The following DLGAP1 variants were observed in gnomAD, a reference collection of about 807,000 sequenced individuals.
DLGAP1 encodes disks large-associated protein 1.
In DLGAP1, 11 loss-of-function variants were observed where a neutral mutation model predicts 90.8. The ratio of observed to expected loss-of-function variants is 0.12; its 90% confidence interval spans 0.08 to 0.20. DLGAP1 has a LOEUF of 0.20. DLGAP1 is among the 10% of genes least tolerant of loss of function. The probability of loss-of-function intolerance (pLI) is 1.00; values close to 1 mark genes in which losing one functional copy is unlikely to be tolerated. For synonymous variants in DLGAP1, 558 were observed against 540.7 expected, an observed-to-expected ratio of 1.03 and a Z score of -0.44; for missense variants, 1,050 against 1,333.8, an observed-to-expected ratio of 0.79 and a Z score of 3.31.
chr18:3,975,591 A>G (rs8083148), intron 3 of DLGAP1, among the ~76,000 whole-genome samples: 60,399 of 151,814 alleles, frequency 0.4, 12,175 homozygotes, highest in Non-Finnish European at 0.42. Context: ...TGCAAAAAAT[A>G]GAAACTAGGG....
At chr18:3,709,787 G>A (rs1327344550) in intron 7 of DLGAP1, among the ~76,000 whole-genome samples, 1 of 152,194 alleles carries the variant, frequency 6.6e-6, no homozygotes, top group African/African-American at 2.4e-5. Context: ...TTGCGGGACT[G>A]AAGGATTCAA....
Position 3,842,504 on chromosome 18 carries a change from T to C in DLGAP1, c.958-28231A>G, listed in dbSNP as rs145579065. Among the ~76,000 whole-genome samples the C allele has an allele frequency of 9.2e-5, 14 of 151,950 alleles. No individual in the cohort carries two copies. In the East Asian group the frequency reaches 2.1e-3, roughly 23 times the overall value. ...GACCACTAGGAGATATTTACAATAG[T>C]CTAGCTGAGAAATGATGGAGGTTTA... On this transcript the variant is annotated intron_variant, in intron 4 of 12. Transcript: ENST00000315677.
At chr18:3,816,262 T>A (rs935447063) in intron 4 of DLGAP1, among the ~76,000 whole-genome samples, 6 of 152,154 alleles carry the variant, frequency 3.9e-5, no homozygotes, top group Non-Finnish European at 7.3e-5. Context: ...AGATCAAAAT[T>A]ATATTAATCA....
At chr18:3,888,962 T>A (rs1422125552) in intron 3 of DLGAP1, among the ~76,000 whole-genome samples, 1 of 152,158 alleles carries the variant, frequency 6.6e-6, no homozygotes, top group Non-Finnish European at 1.5e-5. Flanking sequence ...TGAATTCCCT[T>A]GGGAGCCAGC....
chr18:4,413,711 G>A (rs1162503717), intron 1 of DLGAP1, among the ~76,000 whole-genome samples: 5 of 152,186 alleles, frequency 3.3e-5, no homozygotes, highest in African/African-American at 1.2e-4. Flanking sequence ...TTAGGACGGG[G>A]TTTCCTTTGT....
intron 1 of DLGAP1, among the ~76,000 whole-genome samples, chr18:4,154,024 C>T (rs8095654): frequency 0.2 from 30,868 of 152,068 alleles, 3,531 homozygotes; most frequent in Middle Eastern, 0.3. Flanking sequence ...CCTCCTGCTC[C>T]CTCTTTTTCA....
At chr18:3,979,615 T>C (rs773988974) in intron 3 of DLGAP1, among the ~76,000 whole-genome samples, 2 of 152,218 alleles carry the variant, frequency 1.3e-5, no homozygotes, top group Admixed American at 6.5e-5. Flanking sequence ...AAAGTTTCAG[T>C]TGGACTATTA....
intron 7 of DLGAP1, among the ~76,000 whole-genome samples, chr18:3,619,533 A>G (rs2058015560): frequency 6.6e-6 from 1 of 152,126 alleles, no homozygotes; most frequent in African/African-American, 2.4e-5. Flanking sequence ...CATGGTCAAG[A>G]GGCCCATATT....
chr18:3,590,246 G>T (rs1370755206), intron 7 of DLGAP1, among the ~76,000 whole-genome samples: 4 of 152,158 alleles, frequency 2.6e-5, no homozygotes, highest in African/African-American at 9.7e-5. Flanking sequence ...AAAATCTAAT[G>T]GGGTTGACAG....
chr18:4,118,175 C>A (rs2076093329), intron 2 of DLGAP1, among the ~76,000 whole-genome samples: 1 of 152,088 alleles, frequency 6.6e-6, no homozygotes, highest in Non-Finnish European at 1.5e-5. Flanking sequence ...TTGACAATGT[C>A]CTTAAGCATG....
rs187864169 is a variant in DLGAP1 at position 4,334,515 on chromosome 18, T to C, written c.-267+120491A>G. ...TACAGCCCTAATGATGGCTGGAAGA[T>C]TCCTGACTTCAATTTGCAAAAGTAT... is the stretch of plus-strand genomic sequence containing the variant. On this transcript the variant is annotated intron_variant, in intron 1 of 12. Coordinates refer to ENST00000315677, the MANE Select transcript of DLGAP1 (RefSeq NM_004746.4). Among the ~76,000 whole-genome samples the C allele has an allele frequency of 4.2e-4, 64 of 152,002 alleles. 1 individual carries two copies. The East Asian group carries it at 0.011, about 27-fold the overall frequency.
rs150285124 is a variant in DLGAP1, at chr18:3,895,321, AT to A, written c.-72-15182del. 3.3e-3 allele frequency among the ~76,000 whole-genome samples: 341 copies of A among 104,776 alleles called. 1 individual carries two copies. Among genetic ancestry groups the A allele is most frequent in the Non-Finnish European group, 4.9e-3 (241 of 49,444 alleles). 68.7% of individuals were successfully genotyped at this position (104,776 alleles called of 152,430 possible). A position where few individuals can be genotyped will look rare whatever the true frequency, so the allele number is the denominator to read the frequency against. Reference sequence around the variant, plus strand: ...CACACACACACACACACACACACACATCATCATCATCATCATCATCATCTCA... The same window carrying A: ...CACACACACACACACACACACACACACATCATCATCATCATCATCATCTCA... On this transcript the variant is annotated intron_variant, in intron 3 of 12. Transcript: ENST00000315677.
intron 1 of DLGAP1, among the ~76,000 whole-genome samples, chr18:4,170,113 G>C (rs963008878): frequency 6.6e-6 from 1 of 152,156 alleles, no homozygotes; most frequent in Non-Finnish European, 1.5e-5. Context: ...CCATCATCAA[G>C]TGATGATGGT....
intron 4 of DLGAP1, 115 bp from the exon 5 acceptor site, chr18:3,814,388 G>A: frequency 2.1e-6 from 2 of 934,260 alleles, no homozygotes; most frequent in Non-Finnish European, 3.0e-6. Flanking sequence ...TTGAGATGGG[G>A]TCTTGCTTTG....
intron 3 of DLGAP1, among the ~76,000 whole-genome samples, chr18:3,907,185 G>A (rs1226019425): frequency 6.6e-6 from 1 of 152,160 alleles, no homozygotes; most frequent in Admixed American, 6.5e-5. Context: ...CCCCCAAATC[G>A]GGTGACTGCA....
chr18:3,754,114 TCTCAGC>T (rs1413252900), intron 5 of DLGAP1, among the ~76,000 whole-genome samples: 4 of 152,260 alleles, frequency 2.6e-5, no homozygotes, highest in Admixed American at 1.3e-4. Context: ...GATTCTCTCA[TCTCAGC>T]CTCCTGAGTA....
At chr18:3,567,665 C>A (rs936455423) in intron 8 of DLGAP1, 84 bp from the exon 9 acceptor site, 17 of 1,212,484 alleles carry the variant, frequency 1.4e-5, no homozygotes, top group Non-Finnish European at 1.9e-5. Context: ...TGAGAAAAAT[C>A]TCTAATATGA....
At chr18:4,038,886 T>C (rs1268294576) in intron 2 of DLGAP1, among the ~76,000 whole-genome samples, 1 of 152,076 alleles carries the variant, frequency 6.6e-6, no homozygotes, top group Non-Finnish European at 1.5e-5. Flanking sequence ...CCTTAAAACC[T>C]TACACATTTA....
chr18:4,452,935 G>A (rs535782670), intron 1 of DLGAP1, among the ~76,000 whole-genome samples: 31 of 152,122 alleles, frequency 2.0e-4, no homozygotes, highest in Non-Finnish European at 4.0e-4. Flanking sequence ...TGCCTGTAAT[G>A]TTTGAGATAA....
Sources: allele counts gnomAD v4.1 joint callset (sites outside exome capture counted in the v4.1 genomes callset), GRCh38; gene constraint gnomAD v4.1.1; transcripts MANE v1.5; gene names NCBI Gene and HGNC (gene_info 2026-07-23, HGNC 2026-07-21).